TCF4: variants seen among roughly 807,000 people sequenced by gnomAD.
The protein encoded by TCF4 is SL3-3 enhancer factor 2.
TCF4 carries 3 observed loss-of-function variants against 82.1 expected under a neutral mutation model. That is an observed-to-expected ratio of 0.04 (90% CI 0.02 to 0.09). TCF4 has a LOEUF of 0.09. TCF4 is among the 10% of genes least tolerant of loss of function. The pLI is 1.00. For synonymous variants in TCF4, 276 were observed against 309.6 expected (o/e 0.89, Z 1.14); for missense variants, 518 against 852.7 (o/e 0.61, Z 4.89).
At chr18:55,373,840 G>C (rs1040409488) in intron 6 of TCF4, among the ~76,000 whole-genome samples, 3 of 150,808 alleles carry the variant, frequency 2.0e-5, no homozygotes, top group African/African-American at 7.3e-5. Context: ...TAATAAAATA[G>C]GGAAATAGTA....
intron 3 of TCF4, among the ~76,000 whole-genome samples, chr18:55,519,782 T>C (rs1159100731): frequency 6.6e-6 from 1 of 152,194 alleles, no homozygotes; most frequent in African/African-American, 2.4e-5. Flanking sequence ...TCTTCATTGA[T>C]GTCATGAATA....
chr18:55,443,642 G>T (rs2073656020), intron 5 of TCF4, among the ~76,000 whole-genome samples: 1 of 152,112 alleles, frequency 6.6e-6, no homozygotes, highest in Non-Finnish European at 1.5e-5. Flanking sequence ...TCTATTGCCT[G>T]GTAAATTTGG....
At chr18:55,287,532 G>A (rs983977481) in intron 8 of TCF4, among the ~76,000 whole-genome samples, 1 of 152,132 alleles carries the variant, frequency 6.6e-6, no homozygotes, top group Non-Finnish European at 1.5e-5. Context: ...ATTACAGAAC[G>A]GAAAAATGTC....
At chr18:55,285,119 G>A (rs946439228) in intron 8 of TCF4, among the ~76,000 whole-genome samples, 1 of 152,162 alleles carries the variant, frequency 6.6e-6, no homozygotes, top group Admixed American at 6.5e-5. Context: ...ATGTGACCAA[G>A]ATAAAGACAT....
At chr18:55,568,708 G>A (rs2147485249) in intron 3 of TCF4, among the ~76,000 whole-genome samples, 1 of 152,094 alleles carries the variant, frequency 6.6e-6, no homozygotes. Context: ...CCTTATTTAA[G>A]ACTATTCCAG....
intron 15 of TCF4, among the ~76,000 whole-genome samples, chr18:55,237,246 T>C (rs1269738734): frequency 6.6e-6 from 1 of 152,138 alleles, no homozygotes; most frequent in Middle Eastern, 3.2e-3. Flanking sequence ...GTGATCTTTG[T>C]CTCTATTTTG....
intron 3 of TCF4, among the ~76,000 whole-genome samples, chr18:55,513,363 C>A (rs2096847810): frequency 1.0e-5 from 1 of 95,268 alleles, no homozygotes. Flanking sequence ...CATTCCTAGC[C>A]CTCAGCTTTT....
At chr18:55,595,073 C>T (rs642000) in intron 2 of TCF4, among the ~76,000 whole-genome samples, 2 of 152,298 alleles carry the variant, frequency 1.3e-5, no homozygotes, top group East Asian at 3.9e-4. Context: ...AATGACAAAA[C>T]CCTTAAAATA....
chr18:55,553,454 A>G (rs1334386729), intron 3 of TCF4: 1 of 152,210 alleles, frequency 6.6e-6, no homozygotes, highest in Non-Finnish European at 1.5e-5. Flanking sequence ...AGAATACATA[A>G]TGATACAGGA....
intron 9 of TCF4, among the ~76,000 whole-genome samples, chr18:55,276,273 C>T (rs766555858): frequency 5.9e-5 from 9 of 152,012 alleles, no homozygotes; most frequent in Admixed American, 2.6e-4. Context: ...AATTATATTA[C>T]GGCATGCAGA....
chr18:55,366,309 G>A (rs570825491), intron 6 of TCF4, among the ~76,000 whole-genome samples: 3 of 152,210 alleles, frequency 2.0e-5, no homozygotes, highest in African/African-American at 4.8e-5. Flanking sequence ...GAATATCTAC[G>A]TATCTATAAT....
At chr18:55,384,885 GAAAGGTGAGTTCCCA>G (rs1332516684) in intron 6 of TCF4, among the ~76,000 whole-genome samples, 1 of 152,168 alleles carries the variant, frequency 6.6e-6, no homozygotes. Context: ...CTGTAGAGCA[GAAAGGTGAGTTCCCA>G]AAATCTTCAG....
intron 3 of TCF4, among the ~76,000 whole-genome samples, chr18:55,536,394 A>G (rs2097114800): frequency 6.6e-6 from 1 of 152,200 alleles, no homozygotes; most frequent in South Asian, 2.1e-4. Flanking sequence ...TTTCAGCTTC[A>G]GACCATGAAA....
At chr18:55,589,989 GT>G (rs1330834985), upstream of TCF4, 2 of 222,944 alleles carry the variant, frequency 9.0e-6, no homozygotes, top group Non-Finnish European at 1.5e-5. Context: ...GGCGTCGCGC[GT>G]GGGGCGGCAC....
At chr18:55,413,729 AAAAG>A (rs1366152003) in intron 5 of TCF4, among the ~76,000 whole-genome samples, 2 of 152,208 alleles carry the variant, frequency 1.3e-5, no homozygotes, top group Non-Finnish European at 2.9e-5. Flanking sequence ...AAAAAGAGAA[AAAAG>A]AAAGCAGACA....
chr18:55,376,062 C>G (rs1305206066), intron 6 of TCF4, among the ~76,000 whole-genome samples: 3 of 135,466 alleles, frequency 2.2e-5, no homozygotes, highest in African/African-American at 8.4e-5. Context: ...CACTCTGTCA[C>G]TCAGTCTTGA....
At chr18:55,400,529 G>A (rs1029901942) in intron 6 of TCF4, among the ~76,000 whole-genome samples, 2 of 152,074 alleles carry the variant, frequency 1.3e-5, no homozygotes, top group African/African-American at 4.8e-5. Flanking sequence ...ATGCATTAAT[G>A]AAATAATATC....
At chr18:55,510,339 T>G (rs978996027) in intron 3 of TCF4, among the ~76,000 whole-genome samples, 1 of 152,138 alleles carries the variant, frequency 6.6e-6, no homozygotes, top group Non-Finnish European at 1.5e-5. Context: ...CAAAAAAAAG[T>G]TAGAGCTTAA....
rs2097454117 is a variant in TCF4 at position 55,570,557 on chromosome 18, T to A, written c.145+14723A>T. ...TCTGAAATAAATATATACAAAGTTG[T>A]TTAACCGAATTATCAAGGAAATGCA... On this transcript the variant is annotated intron_variant, in intron 3 of 19. Coordinates refer to ENST00000354452, the MANE Select transcript of TCF4 (RefSeq NM_001083962.2). Among the ~76,000 whole-genome samples the A allele has an allele frequency of 2.6e-5, 4 of 152,184 alleles. No individual in the cohort carries two copies. In the South Asian group the frequency reaches 8.3e-4, roughly 32 times the overall value.
Sources: allele counts gnomAD v4.1 joint callset (sites outside exome capture counted in the v4.1 genomes callset), GRCh38; gene constraint gnomAD v4.1.1; transcripts MANE v1.5; gene names NCBI Gene and HGNC (gene_info 2026-07-23, HGNC 2026-07-21).